Variants in RARS1 observed in about 807,000 individuals in gnomAD.
RARS1 encodes the protein arginyl-tRNA synthetase 1.
A neutral mutation model predicts 78.7 loss-of-function variants in RARS1; 75 were observed. That is an observed-to-expected ratio of 0.95 (90% confidence interval 0.79 to 1.15). The LOEUF is 1.15. RARS1 is among the 50% of genes most tolerant of loss of function. RARS1 has a pLI of 0.00. For synonymous variants in RARS1, 273 were observed against 268.2 expected (o/e 1.02, Z -0.18); for missense variants, 787 against 787.5 (o/e 1.00, Z 0.01).
intron 9 of RARS1, among the ~76,000 whole-genome samples, chr5:168,502,384 ATTTTTTTT>A (rs759302320): frequency 7.9e-6 from 1 of 127,248 alleles, no homozygotes; most frequent in Admixed American, 8.0e-5. Context: ...ATATATATAT[ATTTTTTTT>A]TTTTAAAACA....
In RARS1 at chr5:168,503,790, G is replaced by A. The variant is rs539742233; in HGVS notation, c.1057+1685G>A. Among the ~76,000 whole-genome samples the A allele has an allele frequency of 2.0e-4, 30 of 152,176 alleles. No homozygotes were observed. In the South Asian group the frequency reaches 5.6e-3, roughly 28 times the overall value. ...TACTTTTTAAGATGATAAAATTTTG[G>A]CTGGGTGCAGTGGCTCATGCTTGTA... is the stretch of plus-strand genomic sequence containing the variant. On this transcript the variant is annotated intron_variant, in intron 9 of 14. Coordinates refer to ENST00000231572, the MANE Select transcript of RARS1 (RefSeq NM_002887.4).
chr5:168,518,080 T>TTTTTTTTTTTTTTG lies in RARS1; in HGVS notation c.1873+31_1873+32insGTTTTTTTTTTTTT. Reference sequence around the variant, plus strand: ...ACAGACTGGTGAGTGTCTTTTTTTTTTTTTTTTTTTTTTTTAGTGAGAGAC... The same window carrying TTTTTTTTTTTTTTG: ...ACAGACTGGTGAGTGTCTTTTTTTTTTTTTTTTTTTTTTGTTTTTTTTTTTTTTTAGTGAGAGAC... On this transcript the variant is annotated intron_variant, in intron 14 of 14. Transcript: ENST00000231572. 1 of 1,416,150 alleles carries TTTTTTTTTTTTTTG rather than the reference T, an allele frequency of 7.1e-7. No homozygotes were observed. Among genetic ancestry groups the TTTTTTTTTTTTTTG allele is most frequent in the Non-Finnish European group, 9.2e-7 (1 of 1,089,038 alleles). The allele number at this position is 1,416,150 out of a possible 1,614,324, so 87.7% of individuals were successfully genotyped here. A position where few individuals can be genotyped will look rare whatever the true frequency, so the allele number is the denominator to read the frequency against.
intron 7 of RARS1, 93 bp downstream of exon 7, chr5:168,497,441 A>G: frequency 1.8e-6 from 2 of 1,113,366 alleles, no homozygotes; most frequent in Non-Finnish European, 2.4e-6. Flanking sequence ...TTTTAAAGCT[A>G]CTATGGAGTT....
At chr5:168,516,318 A>G (rs1041287806) in intron 12 of RARS1, among the ~76,000 whole-genome samples, 10 of 152,316 alleles carry the variant, frequency 6.6e-5, no homozygotes, top group Middle Eastern at 3.4e-3. Context: ...ACTTGAGCAA[A>G]TATTAGCAAA....
intron 4 of RARS1, 113 bp from the exon 5 acceptor site, chr5:168,494,437 G>A (rs1688278765): frequency 6.6e-7 from 1 of 1,513,320 alleles, no homozygotes. Flanking sequence ...AACTGGTATT[G>A]GAATCCGGAA....
chr5:168,493,607 C>G (rs972406641), intron 3 of RARS1, among the ~76,000 whole-genome samples: 8 of 133,606 alleles, frequency 6.0e-5, no homozygotes, highest in African/African-American at 2.3e-4. Context: ...GCACTCCAGC[C>G]TGGGCAACAG....
intron 8 of RARS1, among the ~76,000 whole-genome samples, chr5:168,501,250 G>A (rs905020680): frequency 1.3e-5 from 2 of 152,152 alleles, no homozygotes; most frequent in Admixed American, 1.3e-4. Flanking sequence ...CTGGCTTGCA[G>A]CACTAGGTAA....
chr5:168,486,633 G>A, intron 1 of RARS1, 90 bp downstream of exon 1: 1 of 1,382,436 alleles, frequency 7.2e-7, no homozygotes, highest in Non-Finnish European at 1.0e-6. Flanking sequence ...GGGACAGCTA[G>A]GCGAGGACCA....
chr5:168,505,714 GAAAAAAAAAAA>G (rs60743864), intron 9 of RARS1, among the ~76,000 whole-genome samples: 4 of 114,228 alleles, frequency 3.5e-5, no homozygotes, highest in African/African-American at 6.6e-5. Flanking sequence ...TATCAAAAAA[GAAAAAAAAAAA>G]AAAAAAAAAA....
intron 12 of RARS1, among the ~76,000 whole-genome samples, chr5:168,516,569 C>T (rs943995234): frequency 6.6e-6 from 1 of 152,176 alleles, no homozygotes; most frequent in Non-Finnish European, 1.5e-5. Context: ...CTCATAGACA[C>T]ATTCTTCATT....
chr5:168,497,196 A>G (rs940131655), intron 6 of RARS1, 32 bp from the exon 7 acceptor site: 2 of 1,373,486 alleles, frequency 1.5e-6, no homozygotes, highest in Non-Finnish European at 1.9e-6. Flanking sequence ...TATTATTTAA[A>G]AAATGATTAT....
In RARS1 at chr5:168,518,071, C is replaced by CGTTTTTTTTTTTTTT; in HGVS notation, c.1873+9_1873+10insGTTTTTTTTTTTTTT. ...GAAAGATAGACAGACTGGTGAGTGT[C>CGTTTTTTTTTTTTTT]TTTTTTTTTTTTTTTTTTTTTTTTA... is the stretch of plus-strand genomic sequence containing the variant. On this transcript the variant is annotated intron_variant, in intron 14 of 14. Coordinates refer to ENST00000231572, the MANE Select transcript of RARS1 (RefSeq NM_002887.4). 2 of 747,560 alleles carry CGTTTTTTTTTTTTTT rather than the reference C, an allele frequency of 2.7e-6. No individual in the cohort carries two copies. The highest frequency in any genetic ancestry group is 3.2e-6 in the Non-Finnish European group (2 of 622,936). 46.3% of individuals were successfully genotyped at this position (747,560 alleles called of 1,614,324 possible).
rs776607909 is a variant in RARS1, at chr5:168,506,163, A to G, written c.1200A>G (p.Lys400=). 6.3e-7 allele frequency: 1 copy of G among 1,582,496 alleles called. No homozygotes were observed. The highest frequency in any genetic ancestry group is 8.6e-7 in the Non-Finnish European group (1 of 1,165,012). ...TTAAACAAAGACTATTTGAGGAAAA[A>G]GCAGATATGATTATCTATGTTGTGG... ...AAIKQRLFEE[K]ADMIIYVVDN... The change falls in exon 10 of 15, where the codon AAA becomes AAG. Residue 400 remains lysine, a synonymous_variant. Transcript: ENST00000231572.
intron 9 of RARS1, among the ~76,000 whole-genome samples, chr5:168,504,947 C>T (rs1447938692): frequency 1.3e-5 from 2 of 152,188 alleles, no homozygotes; most frequent in African/African-American, 4.8e-5. Flanking sequence ...GTTCACACCA[C>T]TGCATGACAG....
Position 168,492,792 on chromosome 5 carries a change from G to A in RARS1, c.314G>A (p.Ser105Asn). ...LENPPLLVTP[S>N]QQAKFGDYQC... Reference sequence around the variant, plus strand: ...AATCCTCCTCTGCTAGTGACACCAAGTCAGCAGGCCAAGTTTGGGGACTAT... The same window carrying A: ...AATCCTCCTCTGCTAGTGACACCAAATCAGCAGGCCAAGTTTGGGGACTAT... The change falls in exon 3 of 15, where the codon AGT becomes AAT. Residue 105 changes from serine (S) to asparagine (N), a missense_variant. Transcript: ENST00000231572. The A allele has an allele frequency of 6.2e-7, 1 of 1,613,930 alleles. No homozygotes were observed. Among genetic ancestry groups the A allele is most frequent in the Non-Finnish European group, 8.5e-7 (1 of 1,179,838 alleles).
chr5:168,509,327 G>C lies in RARS1; in HGVS notation c.1347-1254G>C, dbSNP rs536313849. On this transcript the variant is annotated intron_variant, in intron 11 of 14. Coordinates refer to ENST00000231572, the MANE Select transcript of RARS1 (RefSeq NM_002887.4). ...AATTTTACAGGGCAAGTAGATTCTT[G>C]CTTGGGCAAGCTCTGGAAATAAAAC... Among the ~76,000 whole-genome samples the C allele has an allele frequency of 8.9e-4, 135 of 151,912 alleles. 1 individual carries two copies. The highest frequency in any genetic ancestry group is 3.2e-3 in the African/African-American group (133 of 41,402).
At chr5:168,493,503 C>T (rs981578430) in intron 3 of RARS1, among the ~76,000 whole-genome samples, 22 of 151,608 alleles carry the variant, frequency 1.5e-4, no homozygotes, top group African/African-American at 5.1e-4. Context: ...TTAAAAAGTT[C>T]GAGGTGTTGT....
chr5:168,494,313 T>G, intron 4 of RARS1: 1 of 985,390 alleles, frequency 1.0e-6, no homozygotes. Flanking sequence ...GCGAACAGAT[T>G]GTTTGCTGAA....
intron 12 of RARS1, among the ~76,000 whole-genome samples, chr5:168,511,984 C>A (rs533566278): frequency 6.6e-6 from 1 of 152,140 alleles, no homozygotes; most frequent in African/African-American, 2.4e-5. Flanking sequence ...TCTACCTCAG[C>A]CTCCCGGGTA....
Sources: allele counts gnomAD v4.1 joint callset (sites outside exome capture counted in the v4.1 genomes callset), GRCh38; gene constraint gnomAD v4.1.1; transcripts MANE v1.5; gene names NCBI Gene and HGNC (gene_info 2026-07-23, HGNC 2026-07-21).